Variants in IGSF21 observed in about 807,000 individuals in gnomAD.
The protein encoded by IGSF21 is immunoglobin superfamily member 21, also known as immunoglobulin superfamily member 21.
In IGSF21, 28 loss-of-function variants were observed where a neutral mutation model predicts 46.8. The ratio of observed to expected loss-of-function variants is 0.60; its 90% CI spans 0.44 to 0.82. IGSF21 has a LOEUF of 0.82. Among genes scored for constraint, IGSF21 ranks in the 40% least tolerant of loss-of-function variants. The probability of loss-of-function intolerance (pLI) is 0.00; values close to 1 mark genes in which losing one functional copy is unlikely to be tolerated. For missense variants in IGSF21, 624 were observed against 665.5 expected (o/e 0.94, Z 0.69); for synonymous variants, 284 against 273.6 (o/e 1.04, Z -0.38).
intron 1 of IGSF21, among the ~76,000 whole-genome samples, chr1:18,142,209 C>T (rs1356684567): frequency 6.6e-6 from 1 of 152,120 alleles, no homozygotes; most frequent in Non-Finnish European, 1.5e-5. Flanking sequence ...CGTATCAGGA[C>T]AAGGGGACTC....
At chr1:18,249,721 T>C (rs2084818911) in intron 2 of IGSF21, among the ~76,000 whole-genome samples, 1 of 152,204 alleles carries the variant, frequency 6.6e-6, no homozygotes, top group Admixed American at 6.5e-5. Flanking sequence ...AAATAACACC[T>C]GCCAACAGTT....
intron 2 of IGSF21, among the ~76,000 whole-genome samples, chr1:18,273,713 G>A (rs2085074066): frequency 6.6e-6 from 1 of 150,534 alleles, no homozygotes; most frequent in African/African-American, 2.5e-5. Flanking sequence ...ATTTTTTATT[G>A]AACAGTTTCC....
At chr1:18,369,766 G>A (rs546538444) in intron 6 of IGSF21, among the ~76,000 whole-genome samples, 2 of 152,306 alleles carry the variant, frequency 1.3e-5, no homozygotes, top group South Asian at 4.1e-4. Flanking sequence ...TTCCCTTGCA[G>A]GGATGCCCTC....
chr1:18,291,854 G>T lies in IGSF21; in HGVS notation c.184-12G>T, dbSNP rs781055280. The T allele has an allele frequency of 1.2e-6, 2 of 1,613,248 alleles. No homozygotes were observed. Among genetic ancestry groups the T allele is most frequent in the African/African-American group, 1.3e-5 (1 of 74,918 alleles). ...AGCACTCACGTGTGGCTATCTCTGT[G>T]CTCTGTGGCAGGTGACGGATGGTGG... On this transcript the variant is annotated splice_polypyrimidine_tract_variant and intron_variant, in intron 2 of 9. Coordinates refer to ENST00000251296, the MANE Select transcript of IGSF21 (RefSeq NM_032880.5).
intron 2 of IGSF21, among the ~76,000 whole-genome samples, chr1:18,273,484 CTTTCTTTCTTTCTTTCTT>C (rs2085069812): frequency 1.3e-5 from 1 of 75,030 alleles, no homozygotes; most frequent in Admixed American, 1.5e-4. Context: ...TTCTTTCTTT[CTTTCTTTCTTTCTTTCTT>C]TCTTTCTTTC....
rs753278176 is a variant in IGSF21 at position 18,291,823 on chromosome 1, C to T, written c.184-43C>T. The stretch of plus-strand genomic sequence containing the variant: ...TCCTGGGGAAAGGGGTGACCAGGGC[C>T]GGTTGAGCACTCACGTGTGGCTATC... On this transcript the variant is annotated intron_variant, in intron 2 of 9. Transcript: ENST00000251296. 3.1e-5 allele frequency: 49 copies of T among 1,605,804 alleles called. No individual in the cohort carries two copies. The East Asian group carries it at 5.1e-4, about 17-fold the overall frequency.
chr1:18,147,256 A>G (rs748390454), intron 1 of IGSF21, among the ~76,000 whole-genome samples: 41 of 152,066 alleles, frequency 2.7e-4, no homozygotes, highest in Non-Finnish European at 4.4e-4. Context: ...ATCAAATCCC[A>G]TGCCTTACTC....
At chr1:18,312,928 C>T (rs2085502777) in intron 3 of IGSF21, among the ~76,000 whole-genome samples, 1 of 152,214 alleles carries the variant, frequency 6.6e-6, no homozygotes, top group South Asian at 2.1e-4. Flanking sequence ...CTTGTTGCAA[C>T]ACGGACTGCC....
chr1:18,258,129 G>GT (rs1176898620), intron 2 of IGSF21, among the ~76,000 whole-genome samples: 1 of 152,132 alleles, frequency 6.6e-6, no homozygotes, highest in Non-Finnish European at 1.5e-5. Flanking sequence ...CACTCCCCAA[G>GT]TTTTTTGGCT....
intron 3 of IGSF21, among the ~76,000 whole-genome samples, chr1:18,328,315 C>A (rs1236810360): frequency 6.6e-6 from 1 of 152,152 alleles, no homozygotes; most frequent in Non-Finnish European, 1.5e-5. Flanking sequence ...GCAAAATAAT[C>A]CAACACAAAG....
intron 3 of IGSF21, among the ~76,000 whole-genome samples, chr1:18,297,464 C>T (rs571916435): frequency 9.2e-5 from 14 of 152,140 alleles, no homozygotes; most frequent in Non-Finnish European, 1.9e-4. Flanking sequence ...GACCTGCTTT[C>T]GGGAGGTTTC....
chr1:18,293,066 A>C (rs1420656571), intron 3 of IGSF21, among the ~76,000 whole-genome samples: 1 of 152,174 alleles, frequency 6.6e-6, no homozygotes, highest in African/African-American at 2.4e-5. Flanking sequence ...TGTCTCAGCT[A>C]GTGCCTGGTA....
intron 2 of IGSF21, among the ~76,000 whole-genome samples, chr1:18,231,922 CGTGTGTGTGTGTGT>C (rs150869622): frequency 1.2e-4 from 16 of 136,436 alleles, no homozygotes; most frequent in African/African-American, 3.2e-4. Context: ...ATCATTAGAT[CGTGTGTGTGTGTGT>C]GTGTGTGTGT....
intron 2 of IGSF21, among the ~76,000 whole-genome samples, chr1:18,262,546 G>T (rs937735398): frequency 6.6e-6 from 1 of 152,146 alleles, no homozygotes; most frequent in African/African-American, 2.4e-5. Context: ...AGATTAATCT[G>T]GTGCGAGTGT....
chr1:18,263,133 C>T (rs207460043), intron 2 of IGSF21, among the ~76,000 whole-genome samples: 84 of 152,240 alleles, frequency 5.5e-4, no homozygotes, highest in Admixed American at 3.2e-3. Context: ...GTGGAAAATA[C>T]GGAGGGCCAC....
intron 4 of IGSF21, among the ~76,000 whole-genome samples, chr1:18,345,899 T>C (rs2085888207): frequency 6.6e-6 from 1 of 152,228 alleles, no homozygotes; most frequent in Non-Finnish European, 1.5e-5. Flanking sequence ...CCAGCCACTA[T>C]GCTCCCCCAC....
chr1:18,253,545 C>G (rs1174204677), intron 2 of IGSF21, among the ~76,000 whole-genome samples: 1 of 152,226 alleles, frequency 6.6e-6, no homozygotes, highest in Non-Finnish European at 1.5e-5. Context: ...TCAGAAGTAG[C>G]TCAATAAAGA....
At chr1:18,171,346 G>T (rs1386756869) in intron 1 of IGSF21, among the ~76,000 whole-genome samples, 1 of 152,120 alleles carries the variant, frequency 6.6e-6, no homozygotes, top group Non-Finnish European at 1.5e-5. Context: ...GCAGAACGAA[G>T]GCCAGGGCAC....
intron 3 of IGSF21, among the ~76,000 whole-genome samples, chr1:18,330,089 C>T (rs753072939): frequency 6.6e-6 from 1 of 152,250 alleles, no homozygotes; most frequent in Non-Finnish European, 1.5e-5. Context: ...TCCTCACCCT[C>T]ACCCCCCTCG....
Sources: allele counts gnomAD v4.1 joint callset (sites outside exome capture counted in the v4.1 genomes callset), GRCh38; gene constraint gnomAD v4.1.1; transcripts MANE v1.5; gene names NCBI Gene and HGNC (gene_info 2026-07-23, HGNC 2026-07-21).